WWC1: variants seen among roughly 807,000 people sequenced by gnomAD.
WWC1 encodes protein KIBRA.
Under a neutral mutation model 138.4 loss-of-function variants are expected in WWC1, and 55 were observed. The ratio of observed to expected loss-of-function variants is 0.40; its 90% CI spans 0.32 to 0.50. The LOEUF (loss-of-function observed/expected upper bound fraction) is 0.50. WWC1 is among the 20% of genes least tolerant of loss of function. The probability of loss-of-function intolerance (pLI) is 0.72; values close to 1 mark genes in which losing one functional copy is unlikely to be tolerated. For missense variants in WWC1, 1,226 were observed against 1,420.4 expected (o/e 0.86, Z 2.20); for synonymous variants, 524 against 564.9 (o/e 0.93, Z 1.03).
chr5:168,342,393 T>C (rs930036225), intron 1 of WWC1, among the ~76,000 whole-genome samples: 3 of 152,064 alleles, frequency 2.0e-5, no homozygotes, highest in Non-Finnish European at 4.4e-5. Context: ...CAAGTGGCAG[T>C]GTTAGGTGCT....
chr5:168,452,526 C>G (rs1030525553), intron 17 of WWC1, among the ~76,000 whole-genome samples: 3 of 152,192 alleles, frequency 2.0e-5, no homozygotes, highest in African/African-American at 7.2e-5. Flanking sequence ...GTGAATCAAA[C>G]CTGCTGACAC....
chr5:168,441,585 T>C, intron 15 of WWC1, 97 bp from the exon 16 acceptor site: 1 of 1,274,190 alleles, frequency 7.8e-7, no homozygotes, highest in Non-Finnish European at 1.1e-6. Context: ...TCATCTGGAG[T>C]GGTGTTTTTT....
chr5:168,387,908 TTC>T (rs35537451), intron 3 of WWC1, among the ~76,000 whole-genome samples: 23,079 of 150,848 alleles, frequency 0.15, 1,924 homozygotes, highest in African/African-American at 0.18. Flanking sequence ...GCAAAGTGAT[TTC>T]TCTCTCTCTC....
chr5:168,403,806 A>G (rs1480702377), intron 5 of WWC1, among the ~76,000 whole-genome samples: 1 of 148,654 alleles, frequency 6.7e-6, no homozygotes, highest in Non-Finnish European at 1.5e-5. Context: ...GCTACTGGGT[A>G]TGTGAATCTC....
rs1254741733 is a variant in WWC1, at chr5:168,471,849, G to C, written c.*2832G>C. 3 of 152,298 alleles carry C rather than the reference G, an allele frequency of 2.0e-5. No individual in the cohort carries two copies. Among genetic ancestry groups the C allele is most frequent in the Admixed American group, 6.5e-5 (1 of 15,284 alleles). 9.4% of individuals were successfully genotyped at this position (152,298 alleles called of 1,614,324 possible). On this transcript the variant is annotated 3_prime_UTR_variant, in exon 23 of 23. Transcript: ENST00000265293. ...GATGGAGACAGAATGGGGGTGTCCT[G>C]GGGATCTTGGAGCCTGAATTCATTG...
At chr5:168,353,148 T>C (rs986360694) in intron 1 of WWC1, among the ~76,000 whole-genome samples, 5 of 152,134 alleles carry the variant, frequency 3.3e-5, no homozygotes, top group Admixed American at 6.5e-5. Flanking sequence ...TCTGAACCCC[T>C]TTTTGTGTAT....
intron 3 of WWC1, among the ~76,000 whole-genome samples, chr5:168,387,453 A>G (rs1318272599): frequency 6.6e-6 from 1 of 152,230 alleles, no homozygotes; most frequent in Non-Finnish European, 1.5e-5. Context: ...TTCTGTGTCA[A>G]GTAATGTTCT....
intron 15 of WWC1, among the ~76,000 whole-genome samples, chr5:168,439,944 A>G (rs940837507): frequency 1.3e-5 from 2 of 152,218 alleles, no homozygotes; most frequent in Non-Finnish European, 2.9e-5. Context: ...AAGAAATGAT[A>G]CACAGTTTTC....
At chr5:168,416,364 A>T (rs1484018798) in intron 9 of WWC1, 1 of 152,222 alleles carries the variant, frequency 6.6e-6, no homozygotes, top group Non-Finnish European at 1.5e-5. Flanking sequence ...CAGCCCTTGG[A>T]AGCACCTTGC....
At chr5:168,328,166 C>A (rs1257824138) in intron 1 of WWC1, among the ~76,000 whole-genome samples, 1 of 152,300 alleles carries the variant, frequency 6.6e-6, no homozygotes, top group East Asian at 1.9e-4. Context: ...TAAGTTGCAG[C>A]CTTGGGAGCA....
intron 1 of WWC1, among the ~76,000 whole-genome samples, chr5:168,312,942 G>T (rs1469746517): frequency 4.6e-5 from 7 of 151,526 alleles, no homozygotes. Flanking sequence ...TCGAGTAGCT[G>T]GGACTACAGG....
At chr5:168,386,586 G>T (rs551952772) in intron 3 of WWC1, among the ~76,000 whole-genome samples, 1 of 151,628 alleles carries the variant, frequency 6.6e-6, no homozygotes, top group African/African-American at 2.4e-5. Flanking sequence ...TAGTAGAGAC[G>T]GGGTTTCACT....
At chr5:168,452,440 C>A (rs966319110) in intron 17 of WWC1, among the ~76,000 whole-genome samples, 1 of 152,110 alleles carries the variant, frequency 6.6e-6, no homozygotes, top group Non-Finnish European at 1.5e-5. Context: ...ACCAGGGATG[C>A]GCATGCACAG....
intron 9 of WWC1, chr5:168,416,513 C>G (rs1582220747): frequency 6.6e-6 from 1 of 152,188 alleles, no homozygotes; most frequent in African/African-American, 2.4e-5. Context: ...TAGGTAGACC[C>G]TTACTGGGCC....
chr5:168,404,931 T>C (rs1779666024), intron 5 of WWC1, among the ~76,000 whole-genome samples: 2 of 151,206 alleles, frequency 1.3e-5, no homozygotes, highest in African/African-American at 4.9e-5. Flanking sequence ...AAAATGAACC[T>C]GTATGTAGGG....
chr5:168,376,091 G>C (rs1421097995), intron 2 of WWC1, among the ~76,000 whole-genome samples: 1 of 146,992 alleles, frequency 6.8e-6, no homozygotes, highest in East Asian at 2.0e-4. Context: ...GTCTTGCTCT[G>C]TCCCCAGGCT....
At position 168,441,700 on chromosome 5, in the gene WWC1, C is replaced by T; in HGVS notation, c.2299C>T (p.Leu767=). 6.2e-7 allele frequency: 1 copy of T among 1,614,142 alleles called. No homozygotes were observed. The highest frequency in any genetic ancestry group is 1.1e-5 in the South Asian group (1 of 91,066). The part of the protein sequence containing the change: ...EECLGGAQIS[L]AEVCRSGERS... ...CCAACAGGGAGGCGCCCAGATCAGC[C>T]TGGCGGAGGTCTGCCGGTCTGGGGA... Residue 767 remains leucine (L), a synonymous_variant, in exon 16 of 23, where the codon CTG becomes TTG. Transcript: ENST00000265293.
chr5:168,432,047 C>CAAA (rs10532675), intron 15 of WWC1, among the ~76,000 whole-genome samples: 2 of 111,426 alleles, frequency 1.8e-5, no homozygotes, highest in Non-Finnish European at 3.9e-5. Flanking sequence ...AACCCTGTGT[C>CAAA]AAAAAAAAAA....
intron 17 of WWC1, among the ~76,000 whole-genome samples, chr5:168,453,479 G>A (rs1317248534): frequency 6.6e-6 from 1 of 152,188 alleles, no homozygotes; most frequent in African/African-American, 2.4e-5. Context: ...AAGTACAGTG[G>A]TGGTTACATA....
Sources: allele counts gnomAD v4.1 joint callset (sites outside exome capture counted in the v4.1 genomes callset), GRCh38; gene constraint gnomAD v4.1.1; transcripts MANE v1.5; gene names NCBI Gene and HGNC (gene_info 2026-07-23, HGNC 2026-07-21).